Variants in CDK12 observed in about 807,000 individuals in gnomAD.
CDK12 encodes the protein cyclin-dependent kinase 12.
Under a neutral mutation model 133.8 loss-of-function variants are expected in CDK12, and 17 were observed. That is an observed-to-expected ratio of 0.13 (90% CI 0.09 to 0.19). The LOEUF (loss-of-function observed/expected upper bound fraction) is 0.19, where lower values mean the gene tolerates loss of function less well. Among genes scored for constraint, CDK12 ranks in the 10% least tolerant of loss-of-function variants. CDK12 has a pLI of 1.00. For missense variants in CDK12, 1,508 were observed against 1,818.7 expected, an observed-to-expected ratio of 0.83 and a Z score of 3.11; for synonymous variants, 694 against 683.6, an observed-to-expected ratio of 1.02 and a Z score of -0.24.
chr17:39,524,838 C>T lies in CDK12; in HGVS notation c.3260C>T (p.Pro1087Leu). Residue 1087 changes from proline to leucine, a missense_variant, in exon 12 of 14, where the codon CCT becomes CTT. Around this residue, in one of 9 missense-constraint regions of CDK12, gnomAD observed 399 missense variants for 469.6 expected, o/e 0.85. Transcript: ENST00000447079. The part of the protein sequence containing the change: ...EPVKNSSPAP[P>L]QPAPGKVESG... ...GTGAAGAACAGCAGCCCAGCACCAC[C>T]TCAGCCTGCTCCTGGCAAGGTGGAG... The T allele has an allele frequency of 6.2e-7, 1 of 1,614,210 alleles. No homozygotes were observed. The highest frequency in any genetic ancestry group is 8.5e-7 in the Non-Finnish European group (1 of 1,180,034).
upstream of CDK12, among the ~76,000 whole-genome samples, chr17:39,542,898 G>A (rs1322681041): frequency 6.6e-6 from 1 of 152,222 alleles, no homozygotes; most frequent in African/African-American, 2.4e-5. Flanking sequence ...GCAGATGGCA[G>A]CCACAGCCAA....
chr17:39,525,829 C>A, intron 12 of CDK12, 35 bp from the exon 13 acceptor site: 2 of 1,561,294 alleles, frequency 1.3e-6, no homozygotes, highest in South Asian at 1.2e-5. Flanking sequence ...TGGCCTATCT[C>A]ATCGTCTTAT....
chr17:39,466,687 A>G (rs2049345607), intron 1 of CDK12, among the ~76,000 whole-genome samples: 1 of 141,776 alleles, frequency 7.1e-6, no homozygotes, highest in Admixed American at 7.4e-5. Context: ...TAATTTAGTC[A>G]GTAATGGTAA....
At chr17:39,464,416 T>C (rs1216612442) in intron 1 of CDK12, among the ~76,000 whole-genome samples, 1 of 127,094 alleles carries the variant, frequency 7.9e-6, no homozygotes, top group African/African-American at 2.7e-5. Flanking sequence ...TTTTTTTTTT[T>C]GTAGAGACTG....
chr17:39,549,149 AG>A (rs2055847802), upstream of CDK12: 1 of 152,230 alleles, frequency 6.6e-6, no homozygotes, highest in African/African-American at 2.4e-5. Flanking sequence ...CTACTTTCCC[AG>A]CTCCTCTCCC....
chr17:39,502,368 TG>T (rs2052783009), intron 6 of CDK12, among the ~76,000 whole-genome samples: 1 of 151,812 alleles, frequency 6.6e-6, no homozygotes, highest in Admixed American at 6.6e-5. Context: ...TTAGCCAGGA[TG>T]GTCTCTATCT....
intron 2 of CDK12, among the ~76,000 whole-genome samples, chr17:39,473,833 T>C (rs927145564): frequency 6.6e-6 from 1 of 151,192 alleles, no homozygotes; most frequent in Non-Finnish European, 1.5e-5. Flanking sequence ...TGCAGTGAGC[T>C]GAGATCGTGC....
chr17:39,530,306 G>A (rs2054749178), intron 13 of CDK12: 1 of 272,624 alleles, frequency 3.7e-6, no homozygotes, highest in East Asian at 6.7e-5. Context: ...TCTGCCAACA[G>A]CCTGCATGTT....
intron 6 of CDK12, among the ~76,000 whole-genome samples, chr17:39,509,321 A>C (rs1439282087): frequency 6.6e-6 from 1 of 152,198 alleles, no homozygotes. Flanking sequence ...ATCTAGAGCA[A>C]ATCATTTCTT....
At chr17:39,465,107 G>A (rs1197069098) in intron 1 of CDK12, among the ~76,000 whole-genome samples, 3 of 152,010 alleles carry the variant, frequency 2.0e-5, no homozygotes, top group African/African-American at 7.3e-5. Context: ...TTAGTTGGGT[G>A]TGGTGGCGTG....
At position 39,487,610 on chromosome 17, in the gene CDK12, T is replaced by C. The variant is rs1358803249; in HGVS notation, c.1932-2947T>C. On this transcript the variant is annotated intron_variant, in intron 2 of 13. Coordinates refer to ENST00000447079, the MANE Select transcript of CDK12 (RefSeq NM_016507.4). ...TTCTGAGGATGTGCATGACACAATT[T>C]TTTTTTTTTTTTTTTTTTTTTTTTG... 2.6e-3 allele frequency among the ~76,000 whole-genome samples: 321 copies of C among 125,210 alleles called. 1 individual carries two copies. Among genetic ancestry groups the C allele is most frequent in the African/African-American group, 0.011 (283 of 25,186 alleles). The allele number at this position is 125,210 out of a possible 152,430, so 82.1% of individuals were successfully genotyped here.
chr17:39,566,968 G>C (rs2056594807), downstream of CDK12: 1 of 152,392 alleles, frequency 6.6e-6, no homozygotes, highest in Non-Finnish European at 1.5e-5. Flanking sequence ...TGGAGTTTGG[G>C]AGCCTGAGTT....
At position 39,516,521 on chromosome 17, in the gene CDK12, G is replaced by C. The variant is rs148373015; in HGVS notation, c.2846+713G>C. Among the ~76,000 whole-genome samples, 3 of 151,388 alleles carry C rather than the reference G, an allele frequency of 2.0e-5. No individual in the cohort carries two copies. In the South Asian group the frequency reaches 6.3e-4, roughly 32 times the overall value. ...ACACCTGTAGTCCCAGCTATTTTTC[G>C]TTCATTTGTTTTGTAGAGATAGGGT... On this transcript the variant is annotated intron_variant, in intron 9 of 13. Coordinates refer to ENST00000447079, the MANE Select transcript of CDK12 (RefSeq NM_016507.4).
intron 2 of CDK12, among the ~76,000 whole-genome samples, chr17:39,482,446 A>G (rs559889119): frequency 1.3e-5 from 2 of 151,866 alleles, no homozygotes; most frequent in Admixed American, 6.6e-5. Context: ...GTAGAATGGG[A>G]TGCTTGGTTT....
intron 3 of CDK12, among the ~76,000 whole-genome samples, chr17:39,491,242 A>G (rs530136140): frequency 1.3e-5 from 2 of 152,186 alleles, no homozygotes; most frequent in Non-Finnish European, 2.9e-5. Flanking sequence ...AGTTTTATAT[A>G]TACACATTTT....
chr17:39,472,641 A>G (rs117270499), intron 2 of CDK12, among the ~76,000 whole-genome samples: 4,160 of 151,932 alleles, frequency 0.027, 84 homozygotes, highest in Middle Eastern at 0.038. Flanking sequence ...ATATTGCCGT[A>G]TTTGCTCTGT....
intron 1 of CDK12, among the ~76,000 whole-genome samples, chr17:39,470,496 G>A (rs571689187): frequency 4.5e-4 from 68 of 152,230 alleles, no homozygotes; most frequent in African/African-American, 1.2e-3. Flanking sequence ...TGAAGATAGC[G>A]CAAAGAAGTC....
At position 39,533,074 on chromosome 17, in the gene CDK12, TA is replaced by T. The variant is rs11407879; in HGVS notation, c.*1770del. On this transcript the variant is annotated 3_prime_UTR_variant, in exon 14 of 14. Coordinates refer to ENST00000447079, the MANE Select transcript of CDK12 (RefSeq NM_016507.4). ...ACTTATAAGAGAAAGGTGCATTACT[TA>T]AAAAAAAAAAACTTTAAAGAAATGA... 163 of 215,746 alleles carry T rather than the reference TA, an allele frequency of 7.6e-4. No individual in the cohort carries two copies. Among genetic ancestry groups the T allele is most frequent in the Middle Eastern group, 2.9e-3 (2 of 692 alleles). 13.4% of individuals were successfully genotyped at this position (215,746 alleles called of 1,614,324 possible).
At chr17:39,527,567 AG>A (rs1157300503) in intron 13 of CDK12, among the ~76,000 whole-genome samples, 1 of 152,186 alleles carries the variant, frequency 6.6e-6, no homozygotes, top group Non-Finnish European at 1.5e-5. Context: ...TTGTTTTTGG[AG>A]GCGGAGTCTT....
Sources: allele counts gnomAD v4.1 joint callset (sites outside exome capture counted in the v4.1 genomes callset), GRCh38; gene constraint gnomAD v4.1.1; regional missense constraint gnomAD v4.1.1; transcripts MANE v1.5; gene names NCBI Gene and HGNC (gene_info 2026-07-23, HGNC 2026-07-21).